TRABD2A: variants seen among roughly 807,000 people sequenced by gnomAD.
The protein encoded by TRABD2A is TraB domain containing 2A.
Under a neutral mutation model 45.6 loss-of-function variants are expected in TRABD2A, and 43 were observed. The ratio of observed to expected loss-of-function variants is 0.94; its 90% CI spans 0.74 to 1.22. The LOEUF (loss-of-function observed/expected upper bound fraction) is 1.22. TRABD2A is among the 50% of genes most tolerant of loss of function. The pLI, the probability that TRABD2A is intolerant of heterozygous loss-of-function variation, is 0.00. For synonymous variants in TRABD2A, 269 were observed against 265.0 expected, an observed-to-expected ratio of 1.02 and a Z score of -0.15; for missense variants, 642 against 652.4, an observed-to-expected ratio of 0.98 and a Z score of 0.17.
At chr2:84,860,274 T>TC (rs1682454980) in intron 2 of TRABD2A, among the ~76,000 whole-genome samples, 1 of 151,900 alleles carries the variant, frequency 6.6e-6, no homozygotes, top group Non-Finnish European at 1.5e-5. Context: ...TAACCATCCA[T>TC]CCCCCCATAC....
At chr2:84,832,397 C>G in intron 4 of TRABD2A, 1 of 504,710 alleles carries the variant, frequency 2.0e-6, no homozygotes, top group South Asian at 2.6e-5. Flanking sequence ...CCTGAAGTCA[C>G]AAAGCTAAGG....
chr2:84,832,035 TAGA>T lies in TRABD2A; in HGVS notation c.1082+17_1082+19del, dbSNP rs776871958. On this transcript the variant is annotated intron_variant, in intron 5 of 6. Coordinates refer to ENST00000409520, the MANE Select transcript of TRABD2A (RefSeq NM_001277053.2). ...GAGGGTCTCAGCTCCCCAGCCAAGA[TAGA>T]AGCACAGGACGGTTACTTGTGGATG... is the stretch of plus-strand genomic sequence containing the variant. 3 of 1,613,802 alleles carry T rather than the reference TAGA, an allele frequency of 1.9e-6. No individual in the cohort carries two copies. The South Asian group carries it at 3.3e-5, about 18-fold the overall frequency.
chr2:84,848,568 TAGAG>T (rs1229611727), intron 2 of TRABD2A, among the ~76,000 whole-genome samples: 1 of 148,578 alleles, frequency 6.7e-6, no homozygotes, highest in Non-Finnish European at 1.5e-5. Flanking sequence ...ATTACATATA[TAGAG>T]AGAGAGACAG....
chr2:84,878,445 A>G (rs968698248), intron 1 of TRABD2A, among the ~76,000 whole-genome samples: 1 of 151,892 alleles, frequency 6.6e-6, no homozygotes, highest in African/African-American at 2.4e-5. Flanking sequence ...GAATCACTTG[A>G]ACCCTGGAGG....
At position 84,863,239 on chromosome 2, in the gene TRABD2A, C is replaced by CTTTTTTTTTTTTTTTTTTTTTTTTTTT. The variant is rs773927512; in HGVS notation, c.669+6985_669+6986insAAAAAAAAAAAAAAAAAAAAAAAAAAA. On this transcript the variant is annotated intron_variant, in intron 2 of 6. Coordinates refer to ENST00000409520, the MANE Select transcript of TRABD2A (RefSeq NM_001277053.2). The stretch of plus-strand genomic sequence containing the variant: ...CCAAAAGGTTAGACTTCATGTGAAT[C>CTTTTTTTTTTTTTTTTTTTTTTTTTTT]TTTTTTTTTTTTTTTTTTTTTTTGA... 2.8e-4 allele frequency among the ~76,000 whole-genome samples: 27 copies of CTTTTTTTTTTTTTTTTTTTTTTTTTTT among 98,136 alleles called. 3 individuals carry two copies. Among genetic ancestry groups the CTTTTTTTTTTTTTTTTTTTTTTTTTTT allele is most frequent in the African/African-American group, 4.4e-4 (10 of 22,662 alleles). The allele number at this position is 98,136 out of a possible 152,430, so 64.4% of individuals were successfully genotyped here. A position where few individuals can be genotyped will look rare whatever the true frequency, so the allele number is the denominator to read the frequency against.
chr2:84,864,690 C>T (rs114598378), intron 2 of TRABD2A, among the ~76,000 whole-genome samples: 1 of 152,262 alleles, frequency 6.6e-6, no homozygotes, highest in African/African-American at 2.4e-5. Flanking sequence ...CTTGCCTTGG[C>T]CTCTAGGAAC....
intron 2 of TRABD2A, among the ~76,000 whole-genome samples, chr2:84,847,385 G>A (rs1361684878): frequency 1.3e-5 from 2 of 152,176 alleles, no homozygotes; most frequent in Non-Finnish European, 2.9e-5. Flanking sequence ...TGTGGCTTGT[G>A]GATAAGAGAA....
intron 2 of TRABD2A, among the ~76,000 whole-genome samples, chr2:84,850,422 G>T (rs1682042297): frequency 6.6e-6 from 1 of 152,082 alleles, no homozygotes; most frequent in Non-Finnish European, 1.5e-5. Flanking sequence ...GAAGAAGATG[G>T]TGGTGGTCCT....
At chr2:84,849,448 A>G (rs145737660) in intron 2 of TRABD2A, 2 of 152,200 alleles carry the variant, frequency 1.3e-5, no homozygotes, top group South Asian at 2.1e-4. Context: ...ATTTCCCTTC[A>G]TCTTAGGCAC....
Position 84,821,753 on chromosome 2 carries a change from C to T in TRABD2A, c.*164G>A. The T allele has an allele frequency of 1.5e-6, 1 of 680,464 alleles. No individual in the cohort carries two copies. 42.2% of individuals were successfully genotyped at this position (680,464 alleles called of 1,614,324 possible). A position where few individuals can be genotyped will look rare whatever the true frequency, so the allele number is the denominator to read the frequency against. On this transcript the variant is annotated 3_prime_UTR_variant, in exon 7 of 7. Transcript: ENST00000409520. ...ACACCTGCCCCCAAAGTTGGATAAC[C>T]CAAAGTCACATTCCTTGGAAAGAGA... is the stretch of plus-strand genomic sequence containing the variant.
chr2:84,832,320 A>G, intron 4 of TRABD2A, 175 bp from the exon 5 acceptor site: 1 of 616,712 alleles, frequency 1.6e-6, no homozygotes, highest in South Asian at 2.0e-5. Flanking sequence ...CCTGCAAGGC[A>G]GGCAGGGCAG....
chr2:84,870,106 T>A, intron 2 of TRABD2A, 119 bp downstream of exon 2: 2 of 1,105,012 alleles, frequency 1.8e-6, no homozygotes, highest in Non-Finnish European at 2.6e-6. Flanking sequence ...GAAAAGCATT[T>A]TTAAGCAAAG....
chr2:84,823,862 G>A, intron 6 of TRABD2A, 91 bp downstream of exon 6: 4 of 1,523,196 alleles, frequency 2.6e-6, no homozygotes, highest in Non-Finnish European at 3.5e-6. Context: ...CCATGAGGGG[G>A]GCTCCCATTG....
intron 5 of TRABD2A, 105 bp from the exon 6 acceptor site, chr2:84,824,309 TG>T (rs933720643): frequency 7.4e-6 from 11 of 1,480,130 alleles, no homozygotes; most frequent in Non-Finnish European, 9.0e-7. Flanking sequence ...GCAGATAACC[TG>T]AAAGTTCAAG....
chr2:84,842,593 G>A (rs1019551963), intron 2 of TRABD2A, among the ~76,000 whole-genome samples: 3 of 152,098 alleles, frequency 2.0e-5, no homozygotes, highest in Admixed American at 1.3e-4. Flanking sequence ...GCTGGGCATG[G>A]TGGCATGTGC....
intron 3 of TRABD2A, among the ~76,000 whole-genome samples, chr2:84,839,605 TAA>T (rs199926813): frequency 4.3e-5 from 6 of 138,864 alleles, no homozygotes; most frequent in African/African-American, 7.9e-5. Context: ...CGTGTGTTTA[TAA>T]AAAAAAAAAA....
rs1308767109 is a variant in TRABD2A at position 84,841,940 on chromosome 2, G to A, written c.737C>T (p.Pro246Leu). ...ESLRAGSLQIPYTTEDLIKHY... is the reference protein window; with the variant it reads ...ESLRAGSLQILYTTEDLIKHY... ...TTTGATGAGATCCTCCGTCGTGTAG[G>A]GGATCTGAAGACTGCCTGCTCGCAG... Residue 246 changes from proline to leucine, a missense_variant, in exon 3 of 7, where the codon CCC becomes CTC. Physicochemically the swap from Pro to Leu is moderately conservative, Grantham distance 98. Transcript: ENST00000409520. 1 of 1,548,296 alleles carries A rather than the reference G, an allele frequency of 6.5e-7. No homozygotes were observed. Among genetic ancestry groups the A allele is most frequent in the South Asian group, 1.2e-5 (1 of 83,718 alleles).
At chr2:84,877,084 G>A (rs1192592851) in intron 1 of TRABD2A, among the ~76,000 whole-genome samples, 2 of 152,120 alleles carry the variant, frequency 1.3e-5, no homozygotes, top group Non-Finnish European at 2.9e-5. Flanking sequence ...GATTCCCACT[G>A]TGTGCACCAA....
intron 5 of TRABD2A, among the ~76,000 whole-genome samples, chr2:84,826,836 C>T (rs955912723): frequency 6.6e-6 from 1 of 152,212 alleles, no homozygotes; most frequent in African/African-American, 2.4e-5. Context: ...CTGGCCAATT[C>T]TTTGCCATTT....
Sources: allele counts gnomAD v4.1 joint callset (sites outside exome capture counted in the v4.1 genomes callset), GRCh38; gene constraint gnomAD v4.1.1; transcripts MANE v1.5; gene names NCBI Gene and HGNC (gene_info 2026-07-23, HGNC 2026-07-21).